Variants in GRM5 observed in about 807,000 individuals in gnomAD.
GRM5 encodes the protein metabotropic glutamate receptor 5.
GRM5 carries 19 observed loss-of-function variants against 83.1 expected under a neutral mutation model. The ratio of observed to expected loss-of-function variants is 0.23; its 90% CI spans 0.16 to 0.34. The LOEUF (loss-of-function observed/expected upper bound fraction) is 0.34. Ranked by LOEUF, GRM5 falls within the 10% of genes least tolerant of loss-of-function variation. GRM5 has a pLI of 1.00. For synonymous variants in GRM5, 675 were observed against 633.6 expected, an observed-to-expected ratio of 1.07 and a Z score of -0.98; for missense variants, 1,160 against 1,588.3, an observed-to-expected ratio of 0.73 and a Z score of 4.58.
At chr11:88,700,396 T>C (rs1370699663) in intron 3 of GRM5, among the ~76,000 whole-genome samples, 1 of 152,112 alleles carries the variant, frequency 6.6e-6, no homozygotes, top group Non-Finnish European at 1.5e-5. Flanking sequence ...AAGCATGGGA[T>C]CTCATTCTTC....
rs143099998 is a variant in GRM5 at position 89,008,975 on chromosome 11, A to C, written c.661+38237T>G. The C allele has an allele frequency of 1.4e-3, 837 of 605,684 alleles. 6 individuals carry two copies. The African/African-American group carries it at 0.014, about 10-fold the overall frequency. 37.5% of individuals were successfully genotyped at this position (605,684 alleles called of 1,614,324 possible). A position where few individuals can be genotyped will look rare whatever the true frequency, so the allele number is the denominator to read the frequency against. On this transcript the variant is annotated intron_variant, in intron 2 of 9. Coordinates refer to ENST00000305447, the MANE Select transcript of GRM5 (RefSeq NM_001143831.3). ...TTAAAAACATAACTGACAAGTGATA[A>C]CTTTTTACTTACAACTAATTAGGAG... is the stretch of plus-strand genomic sequence containing the variant.
chr11:88,716,016 A>G (rs1333855938), intron 3 of GRM5, among the ~76,000 whole-genome samples: 1 of 151,996 alleles, frequency 6.6e-6, no homozygotes, highest in East Asian at 1.9e-4. Flanking sequence ...TTTGAATTCT[A>G]TGACTTTCTA....
intron 8 of GRM5, among the ~76,000 whole-genome samples, chr11:88,539,592 T>C (rs1942216148): frequency 6.6e-6 from 1 of 152,222 alleles, no homozygotes; most frequent in Non-Finnish European, 1.5e-5. Flanking sequence ...ATATTTGTCC[T>C]GTTTCCTCCA....
intron 3 of GRM5, among the ~76,000 whole-genome samples, chr11:88,701,115 C>T (rs944613061): frequency 1.3e-5 from 2 of 152,100 alleles, no homozygotes; most frequent in African/African-American, 4.8e-5. Context: ...CAGTGAGTTT[C>T]CCAATAACCT....
chr11:88,877,847 A>AAGC (rs1944884581), intron 2 of GRM5, among the ~76,000 whole-genome samples: 46 of 146,326 alleles, frequency 3.1e-4, no homozygotes, highest in Middle Eastern at 3.5e-3. Flanking sequence ...AAAAAGCAGA[A>AAGC]AGAAAGAAAG....
chr11:88,651,719 C>A (rs921490775), intron 4 of GRM5, among the ~76,000 whole-genome samples: 1 of 152,052 alleles, frequency 6.6e-6, no homozygotes, highest in African/African-American at 2.4e-5. Context: ...CATACTCTCA[C>A]ACTATGTTGC....
At chr11:88,773,620 AT>A (rs1391790784) in intron 3 of GRM5, among the ~76,000 whole-genome samples, 1 of 152,124 alleles carries the variant, frequency 6.6e-6, no homozygotes, top group Non-Finnish European at 1.5e-5. Context: ...TCTTGAATTA[AT>A]TTTTGTATAA....
intron 3 of GRM5, among the ~76,000 whole-genome samples, chr11:88,737,628 T>C (rs879327204): frequency 6.6e-6 from 1 of 152,134 alleles, no homozygotes; most frequent in Non-Finnish European, 1.5e-5. Context: ...AACAACAAAA[T>C]AGTTACATGA....
chr11:88,510,907 G>C (rs373382542), intron 9 of GRM5, among the ~76,000 whole-genome samples: 27 of 152,328 alleles, frequency 1.8e-4, no homozygotes, highest in African/African-American at 6.5e-4. Flanking sequence ...TTTCAGTCAA[G>C]ACAGCTCTGT....
intron 4 of GRM5, among the ~76,000 whole-genome samples, chr11:88,613,854 A>G (rs943589316): frequency 6.6e-6 from 1 of 152,096 alleles, no homozygotes; most frequent in African/African-American, 2.4e-5. Flanking sequence ...TCTCTCTGAC[A>G]CTCTATATAC....
chr11:88,602,201 C>T (rs183727882), intron 5 of GRM5, among the ~76,000 whole-genome samples: 4 of 151,964 alleles, frequency 2.6e-5, no homozygotes, highest in Admixed American at 6.6e-5. Flanking sequence ...TGTGAATATT[C>T]GTATGTTTTG....
chr11:88,607,237 C>T (rs1938178667), intron 4 of GRM5, among the ~76,000 whole-genome samples: 1 of 152,172 alleles, frequency 6.6e-6, no homozygotes, highest in African/African-American at 2.4e-5. Context: ...TTCATATTTC[C>T]ACATTTTACC....
chr11:88,989,286 G>C (rs1034516727), intron 2 of GRM5, among the ~76,000 whole-genome samples: 96 of 143,460 alleles, frequency 6.7e-4, no homozygotes, highest in Middle Eastern at 3.5e-3. Flanking sequence ...AATGGTAAAG[G>C]GATCAATTCA....
At chr11:88,849,063 G>C (rs117359754) in intron 3 of GRM5, among the ~76,000 whole-genome samples, 3,649 of 151,886 alleles carry the variant, frequency 0.024, 203 homozygotes, top group Admixed American at 0.14. Context: ...TAAGACCTTT[G>C]GACTTGGATT....
chr11:89,023,187 T>C (rs929825423), intron 2 of GRM5, among the ~76,000 whole-genome samples: 39 of 151,918 alleles, frequency 2.6e-4, no homozygotes, highest in African/African-American at 9.2e-4. Context: ...ACATGTGCGT[T>C]CATTGTGTGG....
chr11:88,684,533 G>T (rs1000060936), intron 3 of GRM5, among the ~76,000 whole-genome samples: 1 of 152,200 alleles, frequency 6.6e-6, no homozygotes, highest in Non-Finnish European at 1.5e-5. Flanking sequence ...CAAAGGGTGA[G>T]CTTAAGGTTT....
chr11:88,956,273 G>C (rs1938609031), intron 2 of GRM5, among the ~76,000 whole-genome samples: 1 of 152,170 alleles, frequency 6.6e-6, no homozygotes, highest in African/African-American at 2.4e-5. Flanking sequence ...TTCCAAAGTA[G>C]AGCAGTCAGA....
chr11:89,007,764 C>A lies in GRM5; in HGVS notation c.661+39448G>T, dbSNP rs1940572339. On this transcript the variant is annotated intron_variant, in intron 2 of 9. Transcript: ENST00000305447. ...AACTATGAAGTGAAGGCAGGGAGGG[C>A]AGTTAGAAGACTCTTATGAAATCAA... Among the ~76,000 whole-genome samples, 3 of 152,070 alleles carry A rather than the reference C, an allele frequency of 2.0e-5. No homozygotes were observed. In the South Asian group the frequency reaches 6.2e-4, roughly 32 times the overall value.
intron 3 of GRM5, among the ~76,000 whole-genome samples, chr11:88,676,412 C>T (rs533457707): frequency 6.6e-6 from 1 of 152,066 alleles, no homozygotes. Context: ...CTACCTCCAC[C>T]ACCACCCCAT....
Sources: gnomAD v4.1 joint callset for allele counts (sites outside exome capture counted in the v4.1 genomes callset) on GRCh38, gnomAD v4.1.1 for gene constraint, MANE v1.5 for transcripts, NCBI Gene and HGNC (gene_info 2026-07-23, HGNC 2026-07-21) for gene names.